MALRD1: variants seen among roughly 807,000 people sequenced by gnomAD.
MALRD1 encodes the protein MAM and LDL-receptor class A domain-containing protein 1.
Under a neutral mutation model 242.1 loss-of-function variants are expected in MALRD1, and 247 were observed. The observed-to-expected ratio is 1.02, with a 90% CI of 0.92 to 1.13. The LOEUF is 1.13. Among genes scored for constraint, MALRD1 ranks in the 50% most tolerant of loss-of-function variants. The pLI, the probability that MALRD1 is intolerant of heterozygous loss-of-function variation, is 0.00. For missense variants in MALRD1, 2,989 were observed against 2,533.1 expected (o/e 1.18, Z -3.86); for synonymous variants, 995 against 866.6 (o/e 1.15, Z -2.60).
chr10:19,107,573 T>TG (rs549640539), intron 5 of MALRD1, among the ~76,000 whole-genome samples: 41 of 151,738 alleles, frequency 2.7e-4, no homozygotes, highest in African/African-American at 9.6e-4. Flanking sequence ...GTCTTTTTTT[T>TG]TTTTTTAATC....
intron 1 of MALRD1, among the ~76,000 whole-genome samples, chr10:19,059,392 T>C (rs139924534): frequency 0.021 from 3,170 of 152,150 alleles, 219 homozygotes; most frequent in Admixed American, 0.15. Context: ...TTTTGGGGTT[T>C]TGTTTTGTTT....
intron 2 of MALRD1, among the ~76,000 whole-genome samples, chr10:19,083,996 G>A (rs1185384216): frequency 6.6e-6 from 1 of 151,870 alleles, no homozygotes; most frequent in Non-Finnish European, 1.5e-5. Flanking sequence ...TACTCTTGTG[G>A]TTTATTACAT....
At chr10:19,326,433 A>G (rs1453625133) in intron 22 of MALRD1, among the ~76,000 whole-genome samples, 1 of 152,142 alleles carries the variant, frequency 6.6e-6, no homozygotes, top group Non-Finnish European at 1.5e-5. Context: ...TAAATAAAAT[A>G]ACATTAAATG....
intron 26 of MALRD1, among the ~76,000 whole-genome samples, chr10:19,365,698 A>T (rs564632431): frequency 7.1e-6 from 1 of 140,438 alleles, no homozygotes; most frequent in African/African-American, 2.6e-5. Context: ...ACAAGCTACT[A>T]TGTTTTTTGA....
rs548257314 is a variant in MALRD1, at chr10:19,267,137, C to T, written c.3079+9366C>T. On this transcript the variant is annotated intron_variant, in intron 19 of 39. Coordinates refer to ENST00000454679, the MANE Select transcript of MALRD1 (RefSeq NM_001142308.3). ...AAAACACTGACTACATCACAAAATA[C>T]TGTCTGCAAATTGAAAAATAATTTA... Among the ~76,000 whole-genome samples, 11 of 152,112 alleles carry T rather than the reference C, an allele frequency of 7.2e-5. No homozygotes were observed. The East Asian group carries it at 2.1e-3, about 29-fold the overall frequency.
chr10:19,620,781 C>A (rs927672293), intron 36 of MALRD1, among the ~76,000 whole-genome samples: 16 of 151,712 alleles, frequency 1.1e-4, no homozygotes, highest in African/African-American at 3.9e-4. Flanking sequence ...AATGTAAAGT[C>A]CTGAAATTTC....
intron 32 of MALRD1, among the ~76,000 whole-genome samples, chr10:19,565,017 C>T (rs1836189865): frequency 6.6e-6 from 1 of 152,088 alleles, no homozygotes; most frequent in South Asian, 2.1e-4. Context: ...AATTATTCAA[C>T]TTAATATACT....
chr10:19,123,466 T>G, intron 5 of MALRD1, 26 bp from the exon 6 acceptor site: 5 of 1,210,548 alleles, frequency 4.1e-6, no homozygotes, highest in Non-Finnish European at 5.2e-6. Flanking sequence ...TGCATTTCAC[T>G]TCTTGCCAAT....
chr10:19,226,307 A>G (rs1837798014), intron 18 of MALRD1, among the ~76,000 whole-genome samples: 2 of 152,162 alleles, frequency 1.3e-5, no homozygotes, highest in African/African-American at 4.8e-5. Context: ...CTCCCAGCAA[A>G]CTGAGGATAG....
chr10:19,262,080 A>G (rs957254506), intron 19 of MALRD1, among the ~76,000 whole-genome samples: 1 of 151,972 alleles, frequency 6.6e-6, no homozygotes, highest in African/African-American at 2.4e-5. Context: ...TGCTCTTCCA[A>G]GTCGTCTCTC....
intron 2 of MALRD1, among the ~76,000 whole-genome samples, chr10:19,087,012 G>A (rs1336684284): frequency 2.6e-5 from 4 of 152,084 alleles, no homozygotes; most frequent in South Asian, 2.1e-4. Flanking sequence ...GTTGTACTTG[G>A]GCCCATTGTA....
intron 38 of MALRD1, chr10:19,722,627 A>AAAATTT: frequency 6.7e-6 from 1 of 149,300 alleles, no homozygotes; most frequent in Non-Finnish European, 1.5e-5. Flanking sequence ...AAAGGTGGAA[A>AAAATTT]AAATTTAAAA....
At chr10:19,072,167 G>A (rs796436041) in intron 2 of MALRD1, among the ~76,000 whole-genome samples, 2 of 152,184 alleles carry the variant, frequency 1.3e-5, no homozygotes, top group South Asian at 4.1e-4. Flanking sequence ...TTGCTTGGGA[G>A]CATCTATACT....
intron 28 of MALRD1, among the ~76,000 whole-genome samples, chr10:19,440,495 G>A (rs1157333614): frequency 2.6e-5 from 4 of 151,534 alleles, no homozygotes; most frequent in Admixed American, 6.6e-5. Context: ...CCCTCCCCCC[G>A]CAACAACCCC....
chr10:19,172,144 C>G (rs1220427342), intron 13 of MALRD1, among the ~76,000 whole-genome samples: 1 of 144,788 alleles, frequency 6.9e-6, no homozygotes, highest in Non-Finnish European at 1.5e-5. Context: ...TATACACATA[C>G]ATATATACAT....
At chr10:19,543,281 TGAGACAGGGCC>T (rs1835060285) in intron 32 of MALRD1, among the ~76,000 whole-genome samples, 1 of 148,226 alleles carries the variant, frequency 6.7e-6, no homozygotes, top group Non-Finnish European at 1.5e-5. Flanking sequence ...TATCTTTTTT[TGAGACAGGGCC>T]TTGTACTGTC....
intron 29 of MALRD1, among the ~76,000 whole-genome samples, chr10:19,460,544 G>A (rs891314744): frequency 4.0e-5 from 6 of 151,862 alleles, no homozygotes; most frequent in African/African-American, 1.5e-4. Flanking sequence ...AATAGTATTG[G>A]AGCAAGCCAC....
intron 19 of MALRD1, among the ~76,000 whole-genome samples, chr10:19,261,219 T>A (rs1009808595): frequency 6.6e-6 from 1 of 152,166 alleles, no homozygotes; most frequent in East Asian, 1.9e-4. Context: ...TAGGCAGAGA[T>A]GCGAAATGTC....
At chr10:19,238,460 TATA>T (rs1469660517) in intron 18 of MALRD1, among the ~76,000 whole-genome samples, 22 of 46,706 alleles carry the variant, frequency 4.7e-4, no homozygotes, top group East Asian at 1.8e-3. Context: ...ATATATAATA[TATA>T]ATATAATATA....
Sources: allele counts gnomAD v4.1 joint callset (sites outside exome capture counted in the v4.1 genomes callset), GRCh38; gene constraint gnomAD v4.1.1; transcripts MANE v1.5; gene names NCBI Gene and HGNC (gene_info 2026-07-23, HGNC 2026-07-21).